Variants in GPAM observed in about 807,000 individuals in gnomAD.
The protein encoded by GPAM is glycerol-3-phosphate acyltransferase, mitochondrial.
In GPAM, 56 loss-of-function variants were observed where a neutral mutation model predicts 105.0. The observed-to-expected ratio is 0.53, with a 90% confidence interval of 0.43 to 0.67. GPAM has a LOEUF of 0.67. GPAM is among the 30% of genes least tolerant of loss of function. The probability of loss-of-function intolerance (pLI) is 0.00; values close to 1 mark genes in which losing one functional copy is unlikely to be tolerated. For synonymous variants in GPAM, 368 were observed against 354.4 expected (o/e 1.04, Z -0.43); for missense variants, 855 against 989.8 (o/e 0.86, Z 1.83).
upstream of GPAM, among the ~76,000 whole-genome samples, chr10:112,218,543 T>A (rs1265033306): frequency 1.3e-5 from 2 of 151,376 alleles, no homozygotes; most frequent in African/African-American, 4.9e-5. Context: ...CAAAAGAGGG[T>A]TCTTGGTGCA....
chr10:112,151,184 T>A lies in GPAM; in HGVS notation c.*2366A>T. The A allele has an allele frequency of 1.0e-6, 1 of 982,786 alleles. No individual in the cohort carries two copies. The highest frequency in any genetic ancestry group is 1.2e-6 in the Non-Finnish European group (1 of 827,174). The allele number at this position is 982,786 out of a possible 1,614,324, so 60.9% of individuals were successfully genotyped here. Reference sequence around the variant, plus strand: ...TGCATTTCATGTTACAGAAATGCGATAGAGTAAACTGTAATAAATTATTTA... The same window carrying A: ...TGCATTTCATGTTACAGAAATGCGAAAGAGTAAACTGTAATAAATTATTTA... On this transcript the variant is annotated 3_prime_UTR_variant, in exon 22 of 22. Transcript: ENST00000348367.
chr10:112,157,053 C>T (rs1382515024), intron 19 of GPAM, 196 bp downstream of exon 19: 4 of 628,788 alleles, frequency 6.4e-6, no homozygotes, highest in African/African-American at 1.8e-5. Flanking sequence ...ACTTTTCAGA[C>T]TCTCCTTTCC....
upstream of GPAM, among the ~76,000 whole-genome samples, chr10:112,188,630 T>G (rs1847621854): frequency 6.6e-6 from 1 of 152,214 alleles, no homozygotes; most frequent in Non-Finnish European, 1.5e-5. Flanking sequence ...ACACACCCTG[T>G]GTTTGTGAAA....
Position 112,212,302 on chromosome 10 carries a change from G to A in GPAM, n.210+2866C>T, listed in dbSNP as rs190477562. Among the ~76,000 whole-genome samples, 619 of 152,132 alleles carry A rather than the reference G, an allele frequency of 4.1e-3. 5 individuals are homozygous for A. Among genetic ancestry groups the A allele is most frequent in the African/African-American group, 0.014 (591 of 41,502 alleles). ...TTTTTACACGGAGTCTCGCTCTGTC[G>A]CCCAGGCTGGAGTGCAGTGGTGCGA... On this transcript the variant is annotated intron_variant and non_coding_transcript_variant, in intron 1 of 3. Coordinates refer to the GPAM transcript ENST00000480130.
At chr10:112,200,167 AATATATATATATATATATAT>A (rs10528337) in intron 1 of GPAM, among the ~76,000 whole-genome samples, 1,054 of 87,206 alleles carry the variant, frequency 0.012, 19 homozygotes, top group Middle Eastern at 0.043. Flanking sequence ...TTGTAAAGGA[AATATATATATATATATATAT>A]ATATATATAT....
chr10:112,159,890 C>T (rs1416215571), intron 17 of GPAM, 21 bp downstream of exon 17: 2 of 1,612,320 alleles, frequency 1.2e-6, no homozygotes, highest in African/African-American at 2.7e-5. Flanking sequence ...GACCAGGCAA[C>T]ACTGAAGGGT....
At chr10:112,197,881 G>A (rs1847744656) in intron 1 of GPAM, among the ~76,000 whole-genome samples, 1 of 152,102 alleles carries the variant, frequency 6.6e-6, no homozygotes, top group Admixed American at 6.5e-5. Context: ...GAGGTGGCAT[G>A]TATAGGAATC....
chr10:112,166,986 T>C (rs1183405004), intron 11 of GPAM, among the ~76,000 whole-genome samples: 1 of 152,144 alleles, frequency 6.6e-6, no homozygotes. Flanking sequence ...ATTCATTCAG[T>C]AAATACCTAG....
In GPAM at chr10:112,194,082, C is replaced by T. The variant is rs549836501; in HGVS notation, n.211-11191G>A. Among the ~76,000 whole-genome samples the T allele has an allele frequency of 1.7e-3, 265 of 152,258 alleles. 1 individual carries two copies. The highest frequency in any genetic ancestry group is 6.0e-3 in the African/African-American group (251 of 41,536). Reference sequence around the variant, plus strand: ...ATGCTACATGTCAACAGCAGGTTATCCTGGGACTCTGCTCATAATGGTCAC... The same window carrying T: ...ATGCTACATGTCAACAGCAGGTTATTCTGGGACTCTGCTCATAATGGTCAC... On this transcript the variant is annotated intron_variant and non_coding_transcript_variant, in intron 1 of 3. Transcript: ENST00000480130.
intron 1 of GPAM, among the ~76,000 whole-genome samples, chr10:112,210,480 C>T (rs949515994): frequency 2.6e-5 from 4 of 152,170 alleles, no homozygotes; most frequent in African/African-American, 4.8e-5. Flanking sequence ...TGGGAGGTCT[C>T]ACTAAGCCCC....
In GPAM at chr10:112,155,954, T is replaced by C. The variant is rs750180130; in HGVS notation, c.2221A>G (p.Asn741Asp). The C allele has an allele frequency of 1.2e-6, 2 of 1,612,302 alleles. No homozygotes were observed. The highest frequency in any genetic ancestry group is 1.7e-6 in the Non-Finnish European group (2 of 1,178,312). ...AYSSAAIFVH[N>D]FSGPVPEPEY... ...GGTTCTGGAACAGGACCACTGAAGT[T>C]GTGAACAAAGATGGCAGCAGAGCTG... The change falls in exon 20 of 22, where the codon AAC becomes GAC. Residue 741 changes from asparagine to aspartate, a missense_variant. Transcript: ENST00000348367.
At chr10:112,218,521 T>G (rs1198576843), upstream of GPAM, among the ~76,000 whole-genome samples, 1 of 152,148 alleles carries the variant, frequency 6.6e-6, no homozygotes, top group Non-Finnish European at 1.5e-5. Context: ...AAAGGGGTCC[T>G]GATTCAGACA....
At chr10:112,175,322 A>G (rs1354925758) in intron 6 of GPAM, among the ~76,000 whole-genome samples, 1 of 152,236 alleles carries the variant, frequency 6.6e-6, no homozygotes, top group East Asian at 1.9e-4. Context: ...AAATATGTGC[A>G]TCTCTGAACT....
chr10:112,176,211 G>A (rs768884311), intron 5 of GPAM, among the ~76,000 whole-genome samples: 1 of 152,104 alleles, frequency 6.6e-6, no homozygotes, highest in Non-Finnish European at 1.5e-5. Context: ...AATTGACAAG[G>A]CAGATCAGTT....
At chr10:112,159,635 C>T (rs1280233910) in intron 17 of GPAM, among the ~76,000 whole-genome samples, 6 of 152,150 alleles carry the variant, frequency 3.9e-5, no homozygotes, top group East Asian at 3.9e-4. Flanking sequence ...ACACACAATA[C>T]GTGCTCACTA....
chr10:112,161,600 G>T, intron 15 of GPAM, 67 bp downstream of exon 15: 1 of 1,305,380 alleles, frequency 7.7e-7, no homozygotes, highest in Non-Finnish European at 1.1e-6. Flanking sequence ...CCCTGAGTAT[G>T]TATCTGAGCA....
In GPAM at chr10:112,168,468, T is replaced by C. The variant is rs773252148; in HGVS notation, c.951A>G (p.Thr317=). ...AAGAGGTTTTTCCACTCCTAGAACGTGTGCCTTCCAGGAAGATCTCCAAGA... is the reference window on the plus strand; with the variant it reads ...AAGAGGTTTTTCCACTCCTAGAACGCGTGCCTTCCAGGAAGATCTCCAAGA... ...QQFLEIFLEG[T]RSRSGKTSCA... is the part of the protein sequence containing the mutation. Residue 317 remains threonine (T), a synonymous_variant, in exon 11 of 22, where the codon ACA becomes ACG. Coordinates refer to ENST00000348367, the MANE Select transcript of GPAM (RefSeq NM_001244949.2). 1 of 1,612,712 alleles carries C rather than the reference T, an allele frequency of 6.2e-7. No individual in the cohort carries two copies. The highest frequency in any genetic ancestry group is 8.5e-7 in the Non-Finnish European group (1 of 1,178,664).
rs761743841 is a variant in GPAM, at chr10:112,168,336, T to C, written c.1083A>G (p.Glu361=). 13 of 1,604,256 alleles carry C rather than the reference T, an allele frequency of 8.1e-6. No individual in the cohort carries two copies. The East Asian group carries it at 2.5e-4, about 30-fold the overall frequency. Residue 361 remains glutamate, a synonymous_variant, in exon 11 of 22, where the codon GAA becomes GAG. Transcript: ENST00000348367. The part of the protein sequence containing the change: ...PVGISYDRII[E]GHYNGEQLGK... ...CCAGTTGTTCACCATTGTAGTGACCTTCGATAATGCGATCATAGGAGATTC... is the reference window on the plus strand; with the variant it reads ...CCAGTTGTTCACCATTGTAGTGACCCTCGATAATGCGATCATAGGAGATTC...
upstream of GPAM, among the ~76,000 whole-genome samples, chr10:112,216,559 A>C (rs1055746263): frequency 6.6e-6 from 1 of 152,210 alleles, no homozygotes; most frequent in African/African-American, 2.4e-5. Flanking sequence ...CAGGGCTCCT[A>C]CTGGGGAAAG....
Sources: allele counts gnomAD v4.1 joint callset (sites outside exome capture counted in the v4.1 genomes callset), GRCh38; gene constraint gnomAD v4.1.1; transcripts MANE v1.5; gene names NCBI Gene and HGNC (gene_info 2026-07-23, HGNC 2026-07-21).